The following TRHDE variants were observed in gnomAD, a reference collection of about 807,000 sequenced individuals.
TRHDE encodes thyrotropin-releasing hormone-degrading ectoenzyme.
TRHDE carries 72 observed loss-of-function variants against 125.7 expected under a neutral mutation model. That is an observed-to-expected ratio of 0.57 (90% CI 0.47 to 0.70). The LOEUF is 0.70. Among genes scored for constraint, TRHDE ranks in the 30% least tolerant of loss-of-function variants. The pLI is 0.00. For synonymous variants in TRHDE, 509 were observed against 509.1 expected (o/e 1.00, Z 0.00); for missense variants, 1,110 against 1,327.1 (o/e 0.84, Z 2.54).
At chr12:72,637,511 T>C (rs910352534) in intron 15 of TRHDE, among the ~76,000 whole-genome samples, 1 of 152,160 alleles carries the variant, frequency 6.6e-6, no homozygotes, top group African/African-American at 2.4e-5. Flanking sequence ...CCTTCAGTTC[T>C]GCTCTGATTT....
intron 15 of TRHDE, among the ~76,000 whole-genome samples, chr12:72,626,943 T>C (rs1359613546): frequency 6.6e-6 from 1 of 151,922 alleles, no homozygotes; most frequent in Non-Finnish European, 1.5e-5. Flanking sequence ...ACCACTATTT[T>C]TCTTTTTCTT....
intron 2 of TRHDE, among the ~76,000 whole-genome samples, chr12:72,175,283 A>C (rs182413965): frequency 3.0e-3 from 457 of 152,304 alleles, no homozygotes; most frequent in Non-Finnish European, 4.7e-3. Flanking sequence ...TTCATTTAGC[A>C]TGATATCCTC....
intron 3 of TRHDE, among the ~76,000 whole-genome samples, chr12:72,430,354 C>CAT (rs1316946968): frequency 2.6e-4 from 36 of 140,468 alleles, no homozygotes; most frequent in African/African-American, 5.3e-4. Flanking sequence ...TACATGTATA[C>CAT]ATATATACAT....
intron 1 of TRHDE, among the ~76,000 whole-genome samples, chr12:72,101,424 C>T (rs978497009): frequency 1.3e-5 from 2 of 152,152 alleles, no homozygotes; most frequent in Non-Finnish European, 2.9e-5. Flanking sequence ...ATGTACAATC[C>T]TTTCAAAGTT....
chr12:72,546,684 G>A lies in TRHDE; in HGVS notation c.1788+4328G>A, dbSNP rs1869436596. 2.0e-5 allele frequency among the ~76,000 whole-genome samples: 3 copies of A among 151,516 alleles called. No homozygotes were observed. In the Admixed American group the frequency reaches 2.0e-4, roughly 10 times the overall value. ...CTTAGTAATATTTCAAGCAGAAAGG[G>A]AATTAACATTGGATATAGTCATTTT... On this transcript the variant is annotated intron_variant, in intron 7 of 18. Coordinates refer to ENST00000261180, the MANE Select transcript of TRHDE (RefSeq NM_013381.3).
intron 6 of TRHDE, among the ~76,000 whole-genome samples, chr12:72,532,395 T>C (rs1042956662): frequency 2.0e-5 from 3 of 151,516 alleles, no homozygotes; most frequent in Non-Finnish European, 3.0e-5. Flanking sequence ...CTTTGAATTA[T>C]GATAATTTAC....
intron 1 of TRHDE, among the ~76,000 whole-genome samples, chr12:72,103,582 G>A (rs567702830): frequency 3.3e-5 from 5 of 152,024 alleles, no homozygotes; most frequent in African/African-American, 9.6e-5. Context: ...GAGGAATAGA[G>A]GCATCTATTT....
At chr12:72,238,764 G>A (rs557924371) in intron 2 of TRHDE, among the ~76,000 whole-genome samples, 14 of 152,232 alleles carry the variant, frequency 9.2e-5, no homozygotes, top group Admixed American at 4.6e-4. Flanking sequence ...TGGTGTATAT[G>A]TGCCACATTT....
intron 15 of TRHDE, among the ~76,000 whole-genome samples, chr12:72,627,885 C>T (rs986068117): frequency 6.6e-6 from 1 of 151,228 alleles, no homozygotes; most frequent in Non-Finnish European, 1.5e-5. Flanking sequence ...CACTATATTG[C>T]CCAGGCTTGC....
At chr12:72,498,689 A>G (rs947301590) in intron 5 of TRHDE, among the ~76,000 whole-genome samples, 1 of 152,210 alleles carries the variant, frequency 6.6e-6, no homozygotes, top group Non-Finnish European at 1.5e-5. Context: ...ACCAAAAAAC[A>G]AAAACAGAGA....
intron 3 of TRHDE, among the ~76,000 whole-genome samples, chr12:72,460,751 T>C (rs1876091370): frequency 6.6e-6 from 1 of 152,138 alleles, no homozygotes; most frequent in African/African-American, 2.4e-5. Flanking sequence ...TACCTAGTCA[T>C]GTTTCTTAAA....
At chr12:72,410,347 C>T (rs1873442482) in intron 3 of TRHDE, among the ~76,000 whole-genome samples, 1 of 151,984 alleles carries the variant, frequency 6.6e-6, no homozygotes, top group Non-Finnish European at 1.5e-5. Context: ...AATTTTTATA[C>T]AGCTTCTTAA....
At chr12:72,115,922 A>G (rs1371991643) in intron 2 of TRHDE, among the ~76,000 whole-genome samples, 2 of 152,176 alleles carry the variant, frequency 1.3e-5, no homozygotes, top group African/African-American at 4.8e-5. Flanking sequence ...TACATGTGCC[A>G]TAGTGGTTTG....
chr12:72,575,573 A>G (rs1417829058), intron 12 of TRHDE, 31 bp downstream of exon 12: 1 of 1,606,296 alleles, frequency 6.2e-7, no homozygotes, highest in South Asian at 1.1e-5. Context: ...CCCCAATAAA[A>G]ACTTGTGCCT....
At chr12:72,602,308 G>A (rs1872240876) in intron 12 of TRHDE, among the ~76,000 whole-genome samples, 1 of 152,110 alleles carries the variant, frequency 6.6e-6, no homozygotes, top group Non-Finnish European at 1.5e-5. Flanking sequence ...AACACTAAAA[G>A]TAAAGAACTA....
At chr12:72,619,784 A>T (rs576288761) in intron 13 of TRHDE, among the ~76,000 whole-genome samples, 1 of 152,228 alleles carries the variant, frequency 6.6e-6, no homozygotes, top group Non-Finnish European at 1.5e-5. Context: ...TTAGCGTAAG[A>T]GCCTGCCCTG....
rs544759170 is a variant in TRHDE at position 72,592,768 on chromosome 12, T to C, written c.2321+17226T>C. Among the ~76,000 whole-genome samples the C allele has an allele frequency of 2.0e-5, 3 of 151,996 alleles. No individual in the cohort carries two copies. The South Asian group carries it at 6.2e-4, about 32-fold the overall frequency. On this transcript the variant is annotated intron_variant, in intron 12 of 18. Transcript: ENST00000261180. ...TCTTGCTACTCAGGCTGAAGTGCAG[T>C]GGTGCGATCTCGGCTCACTGCAACC...
intron 2 of TRHDE, among the ~76,000 whole-genome samples, chr12:72,334,252 C>T (rs192357725): frequency 2.6e-5 from 4 of 152,244 alleles, no homozygotes; most frequent in Admixed American, 1.3e-4. Flanking sequence ...TCCTTTCTTG[C>T]CAGAATTTTT....
intron 2 of TRHDE, among the ~76,000 whole-genome samples, chr12:72,134,820 A>C (rs971887483): frequency 3.3e-5 from 5 of 152,134 alleles, no homozygotes; most frequent in Non-Finnish European, 7.4e-5. Flanking sequence ...GTGGGAGACA[A>C]ATTTCAGCTG....
Sources: gnomAD v4.1 joint callset for allele counts (sites outside exome capture counted in the v4.1 genomes callset) on GRCh38, gnomAD v4.1.1 for gene constraint, MANE v1.5 for transcripts, NCBI Gene and HGNC (gene_info 2026-07-23, HGNC 2026-07-21) for gene names.